PI4KA: variants seen among roughly 807,000 people sequenced by gnomAD.
PI4KA encodes the protein PI4-kinase alpha.
A neutral mutation model predicts 271.4 loss-of-function variants in PI4KA; 122 were observed. The ratio of observed to expected loss-of-function variants is 0.45; its 90% CI spans 0.39 to 0.52. The LOEUF is 0.52. Among genes scored for constraint, PI4KA ranks in the 20% least tolerant of loss-of-function variants. PI4KA has a pLI of 0.00. For missense variants in PI4KA, 1,969 were observed against 2,769.1 expected, an observed-to-expected ratio of 0.71 and a Z score of 6.48; for synonymous variants, 1,041 against 1,078.8, an observed-to-expected ratio of 0.96 and a Z score of 0.69.
chr22:20,834,433 G>A lies in PI4KA; in HGVS notation c.367+129C>T, dbSNP rs1601593923. ...GTAAGCTCAGCCCACAATGCTGCAG[G>A]CAGTTGTTTCCCAGCCAGGAGGGAG... On this transcript the variant is annotated intron_variant, in intron 3 of 54. Transcript: ENST00000255882. 3 of 697,950 alleles carry A rather than the reference G, an allele frequency of 4.3e-6. No homozygotes were observed. The East Asian group carries it at 7.5e-5, about 17-fold the overall frequency. The allele number at this position is 697,950 out of a possible 1,614,324, so 43.2% of individuals were successfully genotyped here. A position where few individuals can be genotyped will look rare whatever the true frequency, so the allele number is the denominator to read the frequency against.
At chr22:20,821,921 C>T (rs769585584) in intron 4 of PI4KA, among the ~76,000 whole-genome samples, 1 of 152,106 alleles carries the variant, frequency 6.6e-6, no homozygotes, top group Non-Finnish European at 1.5e-5. Context: ...GAGGCTGAAG[C>T]GGGTGGATCA....
chr22:20,754,579 C>A (rs1488033325), intron 23 of PI4KA, among the ~76,000 whole-genome samples: 1 of 152,208 alleles, frequency 6.6e-6, no homozygotes, highest in African/African-American at 2.4e-5. Context: ...ACTTTGGCAT[C>A]CACGAGTGAA....
intron 1 of PI4KA, among the ~76,000 whole-genome samples, chr22:20,852,799 A>G (rs1344366307): frequency 6.6e-6 from 1 of 152,192 alleles, no homozygotes; most frequent in Non-Finnish European, 1.5e-5. Flanking sequence ...TACAGACTGA[A>G]TAACCATGAA....
At chr22:20,717,160 G>C (rs890477244) in intron 45 of PI4KA, among the ~76,000 whole-genome samples, 2 of 152,160 alleles carry the variant, frequency 1.3e-5, no homozygotes, top group African/African-American at 4.8e-5. Context: ...GCGACACAGC[G>C]AAACTCCATC....
intron 14 of PI4KA, among the ~76,000 whole-genome samples, chr22:20,800,133 T>C (rs1935212872): frequency 6.6e-6 from 1 of 152,176 alleles, no homozygotes; most frequent in African/African-American, 2.4e-5. Context: ...ACCAAGGTTT[T>C]CATGGTAAGG....
chr22:20,845,024 G>A (rs921377315), intron 1 of PI4KA, among the ~76,000 whole-genome samples: 3 of 152,106 alleles, frequency 2.0e-5, no homozygotes, highest in African/African-American at 4.8e-5. Flanking sequence ...ATCTGACCAC[G>A]ATGGCCAGGG....
At chr22:20,843,541 G>A (rs178060) in intron 1 of PI4KA, among the ~76,000 whole-genome samples, 5 of 151,932 alleles carry the variant, frequency 3.3e-5, no homozygotes, top group South Asian at 2.1e-4. Context: ...AGAATATACC[G>A]AAGTTCATGT....
At position 20,838,296 on chromosome 22, in the gene PI4KA, C is replaced by A. The variant is rs190652776; in HGVS notation, c.273+319G>T. Among the ~76,000 whole-genome samples the A allele has an allele frequency of 1.7e-3, 255 of 152,196 alleles. 2 individuals carry two copies. The highest frequency in any genetic ancestry group is 5.9e-3 in the African/African-American group (246 of 41,522). ...AAGCATTTTACCTGAGCTTGAAAACCAAACCTACCCTGGAAGGCACACAAT... is the reference window on the plus strand; with the variant it reads ...AAGCATTTTACCTGAGCTTGAAAACAAAACCTACCCTGGAAGGCACACAAT... On this transcript the variant is annotated intron_variant, in intron 2 of 54. Transcript: ENST00000255882.
chr22:20,786,550 C>T (rs566488187), intron 19 of PI4KA, among the ~76,000 whole-genome samples: 3 of 152,356 alleles, frequency 2.0e-5, no homozygotes, highest in Middle Eastern at 3.4e-3. Context: ...CCAGTCCAAA[C>T]AGTGCAGCAG....
At chr22:20,725,611 G>A in intron 42 of PI4KA, 1 of 439,828 alleles carries the variant, frequency 2.3e-6, no homozygotes, top group South Asian at 1.6e-5. Flanking sequence ...AATAAGCCAG[G>A]GAGATGGGCA....
Position 20,746,217 on chromosome 22 carries a change from C to T in PI4KA, c.3363+1366G>A, listed in dbSNP as rs887610776. Reference sequence around the variant, plus strand: ...AGCTGGGACTACAGGCGCCTGCCACCATGCCCGGCTAATTTTTTGTATTTT... The same window carrying T: ...AGCTGGGACTACAGGCGCCTGCCACTATGCCCGGCTAATTTTTTGTATTTT... On this transcript the variant is annotated intron_variant, in intron 29 of 54. Transcript: ENST00000255882. Among the ~76,000 whole-genome samples the T allele has an allele frequency of 4.6e-5, 7 of 151,944 alleles. No individual in the cohort carries two copies. In the East Asian group the frequency reaches 5.8e-4, roughly 13 times the overall value.
In PI4KA at chr22:20,818,537, G is replaced by A. The variant is rs1456231561; in HGVS notation, c.802C>T (p.Arg268Cys). The A allele has an allele frequency of 2.6e-6, 4 of 1,550,006 alleles. No homozygotes were observed. Among genetic ancestry groups the A allele is most frequent in the East Asian group, 2.5e-5 (1 of 39,348 alleles). Residue 268 changes from arginine to cysteine, a missense_variant, in exon 7 of 55, where the codon CGC (arginine) becomes TGC (cysteine). By Grantham distance (180) the Arg-to-Cys change is radical (BLOSUM62 -3). Transcript: ENST00000255882. ...VSSISQVSPE[R>C]GMPPPSSPGG... Reference sequence around the variant, plus strand: ...GGGGAACTGGGAGGGGGCATGCCGCGTTCAGGGCTGACCTGAAACACACAA... The same window carrying A: ...GGGGAACTGGGAGGGGGCATGCCGCATTCAGGGCTGACCTGAAACACACAA...
chr22:20,721,456 C>T (rs369180736), intron 42 of PI4KA, 38 bp from the exon 43 acceptor site: 15 of 1,609,834 alleles, frequency 9.3e-6, no homozygotes, highest in Non-Finnish European at 1.2e-5. Flanking sequence ...CAGGCTCGGC[C>T]CTCTCCATGA....
intron 1 of PI4KA, among the ~76,000 whole-genome samples, chr22:20,852,710 G>A (rs1294878485): frequency 6.6e-6 from 1 of 152,142 alleles, no homozygotes; most frequent in African/African-American, 2.4e-5. Context: ...AAGGGAAAGA[G>A]GATAGGAAAT....
At chr22:20,846,785 G>A (rs1345794658) in intron 1 of PI4KA, among the ~76,000 whole-genome samples, 2 of 139,178 alleles carry the variant, frequency 1.4e-5, no homozygotes, top group Non-Finnish European at 3.0e-5. Flanking sequence ...AGAGATTGCA[G>A]TGAACTGAGA....
intron 20 of PI4KA, among the ~76,000 whole-genome samples, 153 bp downstream of exon 20, chr22:20,765,432 T>C (rs2147398877): frequency 6.6e-6 from 1 of 152,272 alleles, no homozygotes. Context: ...AAACTACATC[T>C]GGGGACAGTA....
At position 20,814,043 on chromosome 22, in the gene PI4KA, C is replaced by T. The variant is rs143797413; in HGVS notation, c.857-537G>A. 9.1e-3 allele frequency among the ~76,000 whole-genome samples: 1,383 copies of T among 152,330 alleles called. 21 individuals are homozygous for T. Among genetic ancestry groups the T allele is most frequent in the African/African-American group, 0.032 (1,340 of 41,574 alleles). ...CGAACTCCTGACCTCAAGTGATCCA[C>T]CTGTCTCGGCCTCCCAAAGTGCTGG... On this transcript the variant is annotated intron_variant, in intron 7 of 54. Coordinates refer to ENST00000255882, the MANE Select transcript of PI4KA (RefSeq NM_058004.4).
intron 19 of PI4KA, among the ~76,000 whole-genome samples, chr22:20,776,644 C>T (rs1374240076): frequency 6.6e-6 from 1 of 152,186 alleles, no homozygotes. Context: ...TACTCCAGAG[C>T]GAACAAGGCT....
At chr22:20,854,740 GAGA>G (rs1927382783) in intron 1 of PI4KA, among the ~76,000 whole-genome samples, 1 of 41,032 alleles carries the variant, frequency 2.4e-5, no homozygotes, top group Non-Finnish European at 4.9e-5. Flanking sequence ...TAGAAGCAAA[GAGA>G]AGGGGAAGAG....
Sources: allele counts gnomAD v4.1 joint callset (sites outside exome capture counted in the v4.1 genomes callset), GRCh38; gene constraint gnomAD v4.1.1; transcripts MANE v1.5; gene names NCBI Gene and HGNC (gene_info 2026-07-23, HGNC 2026-07-21).